The following TRPM3 variants were observed in gnomAD, a reference collection of about 807,000 sequenced individuals.
TRPM3 encodes long transient receptor potential channel 3.
TRPM3 carries 77 observed loss-of-function variants against 181.2 expected under a neutral mutation model. That is an observed-to-expected ratio of 0.42 (90% CI 0.35 to 0.51). The LOEUF (loss-of-function observed/expected upper bound fraction) is 0.51, where lower values mean the gene tolerates loss of function less well. Among genes scored for constraint, TRPM3 ranks in the 20% least tolerant of loss-of-function variants. TRPM3 has a pLI of 0.01. For synonymous variants in TRPM3, 745 were observed against 796.4 expected (o/e 0.94, Z 1.09); for missense variants, 1,759 against 2,196.7 (o/e 0.80, Z 3.98).
chr9:71,042,550 C>A (rs1401505255), intron 1 of TRPM3, among the ~76,000 whole-genome samples: 1 of 152,194 alleles, frequency 6.6e-6, no homozygotes, highest in Non-Finnish European at 1.5e-5. Context: ...TACACCATCT[C>A]TTTTCTTCTT....
chr9:71,277,687 G>A (rs1027615727), intron 1 of TRPM3, among the ~76,000 whole-genome samples: 1 of 152,020 alleles, frequency 6.6e-6, no homozygotes, highest in Non-Finnish European at 1.5e-5. Context: ...AAATGTCTGC[G>A]GTCCAATATG....
intron 1 of TRPM3, among the ~76,000 whole-genome samples, chr9:71,252,047 A>G (rs1160573223): frequency 6.6e-6 from 1 of 152,058 alleles, no homozygotes; most frequent in African/African-American, 2.4e-5. Flanking sequence ...ATTCTTTTTT[A>G]TGGCTGAATA....
At chr9:70,593,047 G>C (rs1341542365) in intron 21 of TRPM3, among the ~76,000 whole-genome samples, 1 of 152,142 alleles carries the variant, frequency 6.6e-6, no homozygotes, top group African/African-American at 2.4e-5. Flanking sequence ...TGTTTTAAAA[G>C]AGTGTCTGTT....
chr9:70,670,776 C>A (rs2062753330), intron 9 of TRPM3, among the ~76,000 whole-genome samples: 1 of 152,102 alleles, frequency 6.6e-6, no homozygotes. Context: ...ATAAAGAAGG[C>A]AGAGTAGAGT....
At chr9:70,831,747 A>T (rs2093911824) in intron 5 of TRPM3, among the ~76,000 whole-genome samples, 1 of 151,798 alleles carries the variant, frequency 6.6e-6, no homozygotes, top group Non-Finnish European at 1.5e-5. Context: ...ATGGGTAGAA[A>T]AAAAAATAGA....
In TRPM3 at chr9:70,618,972, G is replaced by C. The variant is rs375140030; in HGVS notation, c.2253C>G (p.Ala751=). The C allele has an allele frequency of 1.9e-6, 3 of 1,614,014 alleles. No individual in the cohort carries two copies. Among genetic ancestry groups the C allele is most frequent in the East Asian group, 4.5e-5 (2 of 44,896 alleles). The change falls in exon 17 of 26, where the codon GCC becomes GCG. Residue 751 remains alanine, a synonymous_variant. Coordinates refer to ENST00000677713, the MANE Select transcript of TRPM3 (RefSeq NM_001366145.2). ...TGAAGTCGCGGTGTTTGGCAGCCAC[G>C]GCAAGCTGCAGGCACGTGGCGTTGC... ...NWSNATCLQL[A]VAAKHRDFIA...
chr9:70,845,810 G>T (rs2094929555), intron 4 of TRPM3, among the ~76,000 whole-genome samples: 1 of 152,160 alleles, frequency 6.6e-6, no homozygotes, highest in Non-Finnish European at 1.5e-5. Context: ...AGTAAGAACT[G>T]ATTTGAGAAT....
At chr9:71,115,789 A>G (rs1303684231) in intron 1 of TRPM3, among the ~76,000 whole-genome samples, 2 of 152,204 alleles carry the variant, frequency 1.3e-5, no homozygotes, top group African/African-American at 4.8e-5. Flanking sequence ...AAAGGTCATC[A>G]GGAGACAGAA....
chr9:71,396,921 G>A (rs578057465), intron 1 of TRPM3, among the ~76,000 whole-genome samples: 4 of 150,120 alleles, frequency 2.7e-5, no homozygotes, highest in African/African-American at 9.8e-5. Flanking sequence ...AGCCTAGATC[G>A]CGCCACTGCA....
intron 1 of TRPM3, among the ~76,000 whole-genome samples, chr9:70,981,992 C>T (rs1003785781): frequency 6.6e-6 from 1 of 152,168 alleles, no homozygotes; most frequent in Non-Finnish European, 1.5e-5. Context: ...GTAACTCAAG[C>T]AAACCTTACA....
chr9:71,393,434 T>C (rs1230627682), intron 1 of TRPM3, among the ~76,000 whole-genome samples: 1 of 152,126 alleles, frequency 6.6e-6, no homozygotes. Flanking sequence ...AAAAGGGAAA[T>C]GCTGTAAGTG....
chr9:70,864,527 A>AC lies in TRPM3; in HGVS notation c.178-17_178-16insG. ...ATTTCTGAGCCTGAAAAAGAAAACA[A>AC]AAAAAAAAAAAAAAGAAAAAAGAAA... On this transcript the variant is annotated splice_polypyrimidine_tract_variant and intron_variant, in intron 1 of 25. Coordinates refer to ENST00000677713, the MANE Select transcript of TRPM3 (RefSeq NM_001366145.2). 2 of 1,287,486 alleles carry AC rather than the reference A, an allele frequency of 1.6e-6. No homozygotes were observed. Among genetic ancestry groups the AC allele is most frequent in the Non-Finnish European group, 2.0e-6 (2 of 979,552 alleles). The allele number at this position is 1,287,486 out of a possible 1,614,324, so 79.8% of individuals were successfully genotyped here.
chr9:71,444,215 T>G (rs2094174612), intron 1 of TRPM3, among the ~76,000 whole-genome samples: 2 of 149,968 alleles, frequency 1.3e-5, no homozygotes, highest in South Asian at 4.2e-4. Context: ...ATCATTCCCC[T>G]TGAGGACAGA....
intron 1 of TRPM3, among the ~76,000 whole-genome samples, chr9:71,193,484 T>A (rs2078154749): frequency 6.6e-6 from 1 of 151,896 alleles, no homozygotes; most frequent in African/African-American, 2.4e-5. Flanking sequence ...CCTCTTTCTC[T>A]ACCAGCACCT....
chr9:70,999,532 T>C (rs924376924), intron 1 of TRPM3, among the ~76,000 whole-genome samples: 1 of 152,188 alleles, frequency 6.6e-6, no homozygotes, highest in South Asian at 2.1e-4. Context: ...GATACCATCA[T>C]AGGAAATGAA....
chr9:70,607,595 G>A (rs1564534148), intron 19 of TRPM3, among the ~76,000 whole-genome samples: 2 of 151,998 alleles, frequency 1.3e-5, no homozygotes, highest in Non-Finnish European at 2.9e-5. Flanking sequence ...GCAAAGCAGC[G>A]TGTCTCAAGT....
chr9:71,181,093 G>T (rs930266787), intron 1 of TRPM3, among the ~76,000 whole-genome samples: 1 of 152,062 alleles, frequency 6.6e-6, no homozygotes, highest in African/African-American at 2.4e-5. Flanking sequence ...TTTCCATTAA[G>T]ATAATTTAAC....
At chr9:71,222,726 G>A (rs894944071) in intron 1 of TRPM3, among the ~76,000 whole-genome samples, 3 of 152,172 alleles carry the variant, frequency 2.0e-5, no homozygotes, top group African/African-American at 2.4e-5. Flanking sequence ...GCAGCCATAC[G>A]GTGTGGAAAG....
At chr9:71,198,231 A>G (rs915067304) in intron 1 of TRPM3, among the ~76,000 whole-genome samples, 11 of 152,074 alleles carry the variant, frequency 7.2e-5, no homozygotes, top group African/African-American at 1.7e-4. Flanking sequence ...ATTGATCAAT[A>G]TATCTGTTTT....
Sources: gnomAD v4.1 joint callset for allele counts (sites outside exome capture counted in the v4.1 genomes callset) on GRCh38, gnomAD v4.1.1 for gene constraint, MANE v1.5 for transcripts, NCBI Gene and HGNC (gene_info 2026-07-23, HGNC 2026-07-21) for gene names.